The following APLF variants were observed in gnomAD, a reference collection of about 807,000 sequenced individuals.
APLF encodes aprataxin and PNK-like factor.
Under a neutral mutation model 55.6 loss-of-function variants are expected in APLF, and 61 were observed. That is an observed-to-expected ratio of 1.10 (90% confidence interval 0.89 to 1.36). The LOEUF (loss-of-function observed/expected upper bound fraction) is 1.36. Among genes scored for constraint, APLF ranks in the 40% most tolerant of loss-of-function variants. APLF has a pLI of 0.00. For synonymous variants in APLF, 207 were observed against 214.8 expected, an observed-to-expected ratio of 0.96 and a Z score of 0.32; for missense variants, 611 against 602.5, an observed-to-expected ratio of 1.01 and a Z score of -0.15.
intron 5 of APLF, among the ~76,000 whole-genome samples, chr2:68,514,344 G>A (rs1402742403): frequency 1.3e-5 from 2 of 151,730 alleles, no homozygotes; most frequent in East Asian, 3.9e-4. Context: ...TGTGTATTCT[G>A]TGCCTAGTGA....
At chr2:68,559,819 C>A (rs1312005750) in intron 8 of APLF, among the ~76,000 whole-genome samples, 10 of 152,122 alleles carry the variant, frequency 6.6e-5, no homozygotes. Context: ...GCAACTGGAG[C>A]AATTCTTTAA....
In APLF at chr2:68,536,964, C is replaced by T. The variant is rs112873952; in HGVS notation, c.805-908C>T. 3.0e-3 allele frequency among the ~76,000 whole-genome samples: 456 copies of T among 152,094 alleles called. 1 individual carries two copies. Among genetic ancestry groups the T allele is most frequent in the African/African-American group, 0.011 (440 of 41,508 alleles). ...GGCAGATCACCTGAGGTCAGGAGTT[C>T]GAGACCAGCTTGGCCAACAGTGAAA... On this transcript the variant is annotated intron_variant, in intron 6 of 9. Transcript: ENST00000303795.
chr2:68,517,133 A>G (rs1669618805), intron 5 of APLF, among the ~76,000 whole-genome samples: 1 of 125,110 alleles, frequency 8.0e-6, no homozygotes, highest in Non-Finnish European at 1.6e-5. Flanking sequence ...TTGATCTATA[A>G]CATATTAATA....
rs184733006 is a variant in APLF, at chr2:68,511,448, T to G, written c.342-1632T>G. Among the ~76,000 whole-genome samples the G allele has an allele frequency of 5.5e-3, 830 of 151,826 alleles. 4 individuals are homozygous for G. The highest frequency in any genetic ancestry group is 0.019 in the African/African-American group (793 of 41,518). Reference sequence around the variant, plus strand: ...TTAAATAGAATTTTGTTCTGAAATTTTTTTTGTTACGTTTATTGTGGGTAA... The same window carrying G: ...TTAAATAGAATTTTGTTCTGAAATTGTTTTTGTTACGTTTATTGTGGGTAA... On this transcript the variant is annotated intron_variant, in intron 3 of 9. Transcript: ENST00000303795.
chr2:68,569,981 A>G (rs893692171), intron 9 of APLF, among the ~76,000 whole-genome samples: 1 of 152,126 alleles, frequency 6.6e-6, no homozygotes, highest in African/African-American at 2.4e-5. Flanking sequence ...TAACAAGATA[A>G]TACAATTATT....
intron 3 of APLF, among the ~76,000 whole-genome samples, chr2:68,507,090 A>G (rs778800222): frequency 6.6e-6 from 1 of 151,926 alleles, no homozygotes; most frequent in Non-Finnish European, 1.5e-5. Context: ...ATTTGTAATT[A>G]ATCTGGAGCA....
At chr2:68,512,652 G>A (rs1669419796) in intron 3 of APLF, among the ~76,000 whole-genome samples, 1 of 151,800 alleles carries the variant, frequency 6.6e-6, no homozygotes, top group African/African-American at 2.4e-5. Context: ...CTGAACTTCA[G>A]TAGCAGTTAT....
rs1471909458 is a variant in APLF at position 68,529,382 on chromosome 2, C to T, written c.804+3140C>T. On this transcript the variant is annotated intron_variant, in intron 6 of 9. Transcript: ENST00000303795. This position sits in a 1 kb window ranked among gnomAD's most constrained non-coding sequence, Gnocchi z 4.4. ...AGCCCGGCCAGCTGGGAAGGCCTCA[C>T]GGACAAGACGAGCAGGTTGCCGATG... The T allele has an allele frequency of 1.3e-5, 17 of 1,283,732 alleles. No individual in the cohort carries two copies. The highest frequency in any genetic ancestry group is 6.4e-5 in the East Asian group (2 of 31,242). The allele number at this position is 1,283,732 out of a possible 1,614,324, so 79.5% of individuals were successfully genotyped here.
chr2:68,572,322 G>A (rs6546420), intron 9 of APLF, among the ~76,000 whole-genome samples: 36,449 of 151,874 alleles, frequency 0.24, 7,055 homozygotes, highest in African/African-American at 0.54. Flanking sequence ...AAAATGAAGC[G>A]TTATTAAAAA....
At chr2:68,539,389 C>G (rs1461641713) in intron 7 of APLF, among the ~76,000 whole-genome samples, 1 of 152,214 alleles carries the variant, frequency 6.6e-6, no homozygotes, top group Admixed American at 6.5e-5. Flanking sequence ...GACCTCTTTT[C>G]TTGGCTTGCA....
At chr2:68,519,151 A>ATG (rs1491104059) in intron 5 of APLF, among the ~76,000 whole-genome samples, 2 of 136,404 alleles carry the variant, frequency 1.5e-5, no homozygotes, top group Non-Finnish European at 3.1e-5. Context: ...ATATATATAT[A>ATG]AAGACTTGAC....
chr2:68,537,169 A>C (rs981247572), intron 6 of APLF, among the ~76,000 whole-genome samples: 11 of 152,094 alleles, frequency 7.2e-5, no homozygotes, highest in African/African-American at 2.6e-4. Context: ...CATCTCAAAA[A>C]AAAAAAAAAG....
At chr2:68,556,736 T>C (rs1176571816) in intron 8 of APLF, among the ~76,000 whole-genome samples, 2 of 152,332 alleles carry the variant, frequency 1.3e-5, no homozygotes, top group East Asian at 3.9e-4. Flanking sequence ...GTCATGCAGA[T>C]GAAAATGTTG....
intron 3 of APLF, among the ~76,000 whole-genome samples, chr2:68,504,955 A>G (rs1480550320): frequency 6.6e-6 from 1 of 152,100 alleles, no homozygotes; most frequent in Non-Finnish European, 1.5e-5. Context: ...TTTTAAACAA[A>G]TATGGACATA....
At chr2:68,552,965 G>A (rs188594026) in intron 8 of APLF, among the ~76,000 whole-genome samples, 1 of 152,174 alleles carries the variant, frequency 6.6e-6, no homozygotes, top group Non-Finnish European at 1.5e-5. Flanking sequence ...GACTTTTAGA[G>A]AATGTTAGAT....
chr2:68,513,489 T>C, intron 4 of APLF, 59 bp from the exon 5 acceptor site: 1 of 1,567,152 alleles, frequency 6.4e-7, no homozygotes, highest in South Asian at 1.1e-5. Context: ...AAAGCAGATA[T>C]TTTGCAAATT....
rs1670202988 is a variant in APLF at position 68,529,990 on chromosome 2, C to T, written c.804+3748C>T. Among the ~76,000 whole-genome samples, 1 of 152,232 alleles carries T rather than the reference C, an allele frequency of 6.6e-6. No homozygotes were observed. The highest frequency in any genetic ancestry group is 1.5e-5 in the Non-Finnish European group (1 of 68,034). On this transcript the variant is annotated intron_variant, in intron 6 of 9. Transcript: ENST00000303795. The surrounding 1 kb of genome is among the most constrained non-coding windows in gnomAD (Gnocchi z 4.4). The stretch of plus-strand genomic sequence containing the variant: ...CCGCCTTCTCCATGGCTGCTGTGGC[C>T]TCAAGGGCCACCAGCCTCGCTCCGC...
At chr2:68,490,611 G>A (rs1048740984) in intron 2 of APLF, among the ~76,000 whole-genome samples, 1 of 152,124 alleles carries the variant, frequency 6.6e-6, no homozygotes, top group Admixed American at 6.5e-5. Flanking sequence ...TAACTTAAAT[G>A]TTATAGGGTT....
intron 7 of APLF, among the ~76,000 whole-genome samples, chr2:68,539,154 AT>A (rs1282009793): frequency 6.6e-6 from 1 of 152,202 alleles, no homozygotes; most frequent in Non-Finnish European, 1.5e-5. Context: ...TTTTTGAAAC[AT>A]TTTTGTATAT....
Sources: gnomAD v4.1 joint callset for allele counts (sites outside exome capture counted in the v4.1 genomes callset) on GRCh38, gnomAD v4.1.1 for gene constraint, Gnocchi (gnomAD v3.1) non-coding constraint, MANE v1.5 for transcripts, NCBI Gene and HGNC (gene_info 2026-07-23, HGNC 2026-07-21) for gene names.